The following PRRG1 variants were observed in gnomAD, a reference collection of about 807,000 sequenced individuals.
PRRG1 encodes proline rich and Gla domain 1.
A neutral mutation model predicts 11.8 loss-of-function variants in PRRG1; 5 were observed. The ratio of observed to expected loss-of-function variants is 0.42; its 90% CI spans 0.22 to 0.89. PRRG1 has a LOEUF of 0.89. Among genes scored for constraint, PRRG1 ranks in the 40% least tolerant of loss-of-function variants. The pLI, the probability that PRRG1 is intolerant of heterozygous loss-of-function variation, is 0.28. For synonymous variants in PRRG1, 66 were observed against 60.4 expected (o/e 1.09, Z -0.43); for missense variants, 155 against 166.1 (o/e 0.93, Z 0.37).
chrX:37,454,352 A>G lies in PRRG1; in HGVS notation c.*731A>G, dbSNP rs1300158217. 1.8e-5 allele frequency: 2 copies of G among 111,519 alleles called. No individual in the cohort carries two copies. The highest frequency in any genetic ancestry group is 1.9e-4 in the Admixed American group (2 of 10,507). The allele number at this position is 111,519 out of a possible 1,213,427, so 9.2% of individuals were successfully genotyped here. A position where few individuals can be genotyped will look rare whatever the true frequency, so the allele number is the denominator to read the frequency against. On this transcript the variant is annotated 3_prime_UTR_variant, in exon 4 of 4. Coordinates refer to ENST00000378628, the MANE Select transcript of PRRG1 (RefSeq NM_001142395.2). ...ACAGTGTTTTCTTAGCATCTTGAAT[A>G]TCTCCTGCGGTGTATATTAACATCT...
chrX:37,371,807 A>G (rs966883928), intron 1 of PRRG1, among the ~76,000 whole-genome samples: 2 of 112,880 alleles, frequency 1.8e-5, no homozygotes, highest in East Asian at 2.8e-4. Flanking sequence ...CTTGCTCACA[A>G]CGCTCCTCAC....
intron 1 of PRRG1, among the ~76,000 whole-genome samples, chrX:37,387,391 A>G (rs1001937687): frequency 8.9e-6 from 1 of 111,732 alleles, no homozygotes; most frequent in East Asian, 2.8e-4. Context: ...GGTAATTTAT[A>G]AACAAAAGAG....
chrX:37,359,687 A>C (rs1305023368), intron 1 of PRRG1, among the ~76,000 whole-genome samples: 1 of 111,665 alleles, frequency 9.0e-6, no homozygotes, highest in African/African-American at 3.3e-5. Context: ...CTTCAGGAGA[A>C]ATTGTAGAGA....
At chrX:37,400,321 A>G (rs1482755666) in intron 1 of PRRG1, among the ~76,000 whole-genome samples, 1 of 112,153 alleles carries the variant, frequency 8.9e-6, no homozygotes, top group Non-Finnish European at 1.9e-5. Context: ...ACTCAGGATT[A>G]AGAAACACAC....
chrX:37,403,321 C>G (rs1196223050), intron 1 of PRRG1, among the ~76,000 whole-genome samples: 1 of 108,888 alleles, frequency 9.2e-6, no homozygotes. Context: ...GAGTTCATGT[C>G]CTTTGTAGGG....
chrX:37,404,467 G>C (rs1211443235), intron 1 of PRRG1, among the ~76,000 whole-genome samples: 1 of 111,574 alleles, frequency 9.0e-6, no homozygotes, highest in African/African-American at 3.3e-5. Context: ...ACTTGGGAAG[G>C]GTGAGCACCT....
chrX:37,451,736 A>G (rs1921148598), intron 3 of PRRG1, among the ~76,000 whole-genome samples: 1 of 112,345 alleles, frequency 8.9e-6, no homozygotes, highest in Non-Finnish European at 1.9e-5. Context: ...AATGTACCTT[A>G]GAGACCTCAT....
intron 3 of PRRG1, among the ~76,000 whole-genome samples, chrX:37,450,002 T>C (rs1556396127): frequency 8.9e-6 from 1 of 112,835 alleles, no homozygotes; most frequent in Non-Finnish European, 1.9e-5. Context: ...AAAGGACATA[T>C]CAGTCTCTTT....
At position 37,453,154 on chromosome X, in the gene PRRG1, T is replaced by C. The variant is rs1556396938; in HGVS notation, c.190T>C (p.Tyr64His). 1 of 1,205,913 alleles carries C rather than the reference T, an allele frequency of 8.3e-7. No individual in the cohort carries two copies. The highest frequency in any genetic ancestry group is 2.2e-5 in the Admixed American group (1 of 45,854). ...TTTTCAGAAGGAGTTTTGGAGCACC[T>C]ACACAAAAGCGCAACAAGGGGAGAG... is the stretch of plus-strand genomic sequence containing the variant. ...NEKTKEFWST[Y>H]TKAQQGESNR... is the part of the protein sequence containing the mutation. The change falls in exon 4 of 4, where the codon TAC (tyrosine) becomes CAC (histidine). Residue 64 changes from tyrosine (Y) to histidine (H), a missense_variant. Physicochemically the swap from Tyr to His is moderately conservative, Grantham distance 83. Transcript: ENST00000378628.
At chrX:37,403,576 A>G (rs977430127) in intron 1 of PRRG1, among the ~76,000 whole-genome samples, 1 of 107,496 alleles carries the variant, frequency 9.3e-6, no homozygotes, top group African/African-American at 3.4e-5. Context: ...ACATGTATAC[A>G]TATGTAACTA....
At chrX:37,409,741 C>T (rs1178335755) in intron 2 of PRRG1, among the ~76,000 whole-genome samples, 2 of 111,937 alleles carry the variant, frequency 1.8e-5, no homozygotes, top group Non-Finnish European at 3.8e-5. Flanking sequence ...ATTTTTCCTG[C>T]ACTTGGCAAA....
intron 3 of PRRG1, among the ~76,000 whole-genome samples, chrX:37,427,517 A>T (rs1932787620): frequency 8.9e-6 from 1 of 112,211 alleles, no homozygotes; most frequent in African/African-American, 3.2e-5. Flanking sequence ...AGTATATAAT[A>T]TAACATTGTT....
intron 1 of PRRG1, among the ~76,000 whole-genome samples, chrX:37,399,198 A>C (rs1931852646): frequency 9.0e-6 from 1 of 111,422 alleles, no homozygotes; most frequent in South Asian, 3.8e-4. Context: ...TCAAAGTTGA[A>C]ATGAAGGAAA....
intron 1 of PRRG1, among the ~76,000 whole-genome samples, chrX:37,358,831 G>A (rs1325540504): frequency 1.8e-5 from 2 of 111,732 alleles, no homozygotes; most frequent in Non-Finnish European, 3.8e-5. Context: ...TGAGACTATC[G>A]AGTCTTCCTA....
chrX:37,406,779 G>A (rs894040876), intron 2 of PRRG1, among the ~76,000 whole-genome samples: 2 of 111,352 alleles, frequency 1.8e-5, no homozygotes, highest in African/African-American at 6.5e-5. Flanking sequence ...TCATAAGGCT[G>A]TTTATGGGCA....
rs373384762 is a variant in PRRG1 at position 37,438,506 on chromosome X, A to G, written c.171+12506A>G. 4.5e-4 allele frequency among the ~76,000 whole-genome samples: 43 copies of G among 95,253 alleles called. 1 individual carries two copies. Among genetic ancestry groups the G allele is most frequent in the African/African-American group, 1.5e-3 (36 of 24,380 alleles). The allele number at this position is 95,253 out of a possible 115,157, so 82.7% of individuals were successfully genotyped here. A position where few individuals can be genotyped will look rare whatever the true frequency, so the allele number is the denominator to read the frequency against. On this transcript the variant is annotated intron_variant, in intron 3 of 3. Coordinates refer to ENST00000378628, the MANE Select transcript of PRRG1 (RefSeq NM_001142395.2). The stretch of plus-strand genomic sequence containing the variant: ...GGCTGGAGTGCAATGCCATGATCTC[A>G]GCTCACTGCAACCTCTGCCTCCCAG...
intron 3 of PRRG1, among the ~76,000 whole-genome samples, chrX:37,430,094 A>G (rs1187143500): frequency 2.7e-5 from 3 of 112,040 alleles, no homozygotes; most frequent in Admixed American, 9.4e-5. Context: ...CAGCCAAACT[A>G]TATCATGTGT....
chrX:37,353,236 T>A (rs1930128753), intron 1 of PRRG1, among the ~76,000 whole-genome samples: 1 of 111,431 alleles, frequency 9.0e-6, no homozygotes, highest in African/African-American at 3.3e-5. Context: ...GTGTCTTAGT[T>A]TTTAATAAAA....
chrX:37,438,430 C>CTTTTTTTT (rs782783420), intron 3 of PRRG1, among the ~76,000 whole-genome samples: 5 of 69,042 alleles, frequency 7.2e-5, no homozygotes, highest in Non-Finnish European at 1.1e-4. Context: ...GAATTTTTTC[C>CTTTTTTTT]TTTTTTTTTT....
Sources: gnomAD v4.1 joint callset for allele counts (sites outside exome capture counted in the v4.1 genomes callset) on GRCh38, gnomAD v4.1.1 for gene constraint, MANE v1.5 for transcripts, NCBI Gene and HGNC (gene_info 2026-07-23, HGNC 2026-07-21) for gene names.